The following NOS1 variants were observed in gnomAD, a reference collection of about 807,000 sequenced individuals.
The protein encoded by NOS1 is nitric oxide synthase 1, also known as NOS type I.
In NOS1, 51 loss-of-function variants were observed where a neutral mutation model predicts 164.5. The observed-to-expected ratio is 0.31, with a 90% CI of 0.25 to 0.39. The LOEUF (loss-of-function observed/expected upper bound fraction) is 0.39, where lower values mean the gene tolerates loss of function less well. NOS1 is among the 10% of genes least tolerant of loss of function. NOS1 has a pLI of 1.00. For synonymous variants in NOS1, 719 were observed against 745.8 expected, an observed-to-expected ratio of 0.96 and a Z score of 0.59; for missense variants, 1,362 against 1,885.6, an observed-to-expected ratio of 0.72 and a Z score of 5.14.
At position 117,213,067 on chromosome 12, in the gene NOS1, T is replaced by C. The variant is rs897261365; in HGVS notation, c.*2242A>G. On this transcript the variant is annotated 3_prime_UTR_variant, in exon 29 of 29. Transcript: ENST00000317775. ...GACAATGTTTCCATCTGTCTGCTAC[T>C]AGAAAGGCAGGCACATGCAGAAAGG... is the stretch of plus-strand genomic sequence containing the variant. 2.5e-5 allele frequency: 25 copies of C among 985,372 alleles called. No individual in the cohort carries two copies. Among genetic ancestry groups the C allele is most frequent in the Non-Finnish European group, 3.0e-5 (25 of 829,950 alleles). The allele number at this position is 985,372 out of a possible 1,614,324, so 61.0% of individuals were successfully genotyped here. A position where few individuals can be genotyped will look rare whatever the true frequency, so the allele number is the denominator to read the frequency against.
intron 1 of NOS1, among the ~76,000 whole-genome samples, chr12:117,335,534 C>T (rs892744227): frequency 3.3e-5 from 5 of 152,024 alleles, no homozygotes; most frequent in Non-Finnish European, 5.9e-5. Flanking sequence ...AGGGAGGAAG[C>T]CCAAATAGGC....
intron 3 of NOS1, among the ~76,000 whole-genome samples, chr12:117,310,815 A>T (rs933280624): frequency 6.6e-6 from 1 of 151,416 alleles, no homozygotes; most frequent in Non-Finnish European, 1.5e-5. Context: ...TCCACTAATT[A>T]AAAAAAAATT....
chr12:117,209,188 G>T lies in NOS1; in HGVS notation c.*6121C>A, dbSNP rs1368905188. 1.5e-5 allele frequency: 15 copies of T among 985,324 alleles called. No individual in the cohort carries two copies. The highest frequency in any genetic ancestry group is 4.7e-5 in the South Asian group (1 of 21,284). The allele number at this position is 985,324 out of a possible 1,614,324, so 61.0% of individuals were successfully genotyped here. A position where few individuals can be genotyped will look rare whatever the true frequency, so the allele number is the denominator to read the frequency against. On this transcript the variant is annotated 3_prime_UTR_variant, in exon 29 of 29. Coordinates refer to ENST00000317775, the MANE Select transcript of NOS1 (RefSeq NM_000620.5). ...GAGAAGTCCTGGGGTAGCCAGCAGAGATTCTCTTGACCCTGAAGTCCAAGA... is the reference window on the plus strand; with the variant it reads ...GAGAAGTCCTGGGGTAGCCAGCAGATATTCTCTTGACCCTGAAGTCCAAGA...
chr12:117,290,462 G>A (rs545501658), intron 3 of NOS1, 36 bp from the exon 4 acceptor site: 4 of 1,588,126 alleles, frequency 2.5e-6, no homozygotes, highest in Non-Finnish European at 3.4e-6. Flanking sequence ...ATGAGGCAGG[G>A]CCTTGAGTGG....
intron 7 of NOS1, 87 bp from the exon 8 acceptor site, chr12:117,280,953 G>A: frequency 1.4e-6 from 2 of 1,458,286 alleles, no homozygotes; most frequent in Non-Finnish European, 1.9e-6. Flanking sequence ...CAGGGCGACA[G>A]CTGCTTGAGG....
chr12:117,318,167 G>GTC (rs1874752336), intron 2 of NOS1, among the ~76,000 whole-genome samples: 2 of 151,948 alleles, frequency 1.3e-5, no homozygotes, highest in Non-Finnish European at 2.9e-5. Flanking sequence ...AACAGACCCT[G>GTC]TCACACACAC....
At chr12:117,260,743 C>T in intron 13 of NOS1, 134 bp from the exon 14 acceptor site, 1 of 872,432 alleles carries the variant, frequency 1.1e-6, no homozygotes. Flanking sequence ...TTGATGGCTT[C>T]AGGGGTTTCC....
intron 9 of NOS1, among the ~76,000 whole-genome samples, chr12:117,276,085 G>C (rs1239875283): frequency 6.6e-6 from 1 of 151,846 alleles, no homozygotes; most frequent in Non-Finnish European, 1.5e-5. Context: ...GTACTTATGG[G>C]GTACATGAAA....
chr12:117,320,549 A>G (rs1874865975), intron 2 of NOS1, among the ~76,000 whole-genome samples: 1 of 152,134 alleles, frequency 6.6e-6, no homozygotes, highest in Non-Finnish European at 1.5e-5. Context: ...CAGACTTAAG[A>G]CCGTCAGAAT....
intron 2 of NOS1, among the ~76,000 whole-genome samples, chr12:117,324,937 G>A (rs1176146624): frequency 2.0e-5 from 3 of 152,190 alleles, no homozygotes; most frequent in African/African-American, 7.2e-5. Flanking sequence ...ACGTCCCATG[G>A]GGGAATGGAA....
At chr12:117,321,538 G>C (rs907427588) in intron 2 of NOS1, among the ~76,000 whole-genome samples, 2 of 152,142 alleles carry the variant, frequency 1.3e-5, no homozygotes, top group Non-Finnish European at 2.9e-5. Flanking sequence ...CTGGCAAGAC[G>C]GCAGGGACAC....
intron 16 of NOS1, among the ~76,000 whole-genome samples, chr12:117,254,307 A>T (rs1871291893): frequency 6.6e-6 from 1 of 152,102 alleles, no homozygotes; most frequent in South Asian, 2.1e-4. Flanking sequence ...GGGTTTCACC[A>T]CATTTGCCAG....
Position 117,231,960 on chromosome 12 carries a change from A to G in NOS1, c.3405+2T>C, listed in dbSNP as rs1869272949. On this transcript the variant is annotated splice_donor_variant, in intron 22 of 28. Transcript: ENST00000317775. LOFTEE classifies it high-confidence loss of function. ...AGGGTTGTGCGAAGCCTGGGGACCC[A>G]CCTTGCTGAGGACCAGCAGACGCTG... 1 of 1,611,124 alleles carries G rather than the reference A, an allele frequency of 6.2e-7. No homozygotes were observed. The highest frequency in any genetic ancestry group is 8.5e-7 in the Non-Finnish European group (1 of 1,179,032).
intron 7 of NOS1, among the ~76,000 whole-genome samples, chr12:117,283,441 G>A (rs1455328253): frequency 6.6e-6 from 1 of 152,190 alleles, no homozygotes; most frequent in African/African-American, 2.4e-5. Context: ...AGAATCTGCT[G>A]AATGTTTTCT....
rs559797019 is a variant in NOS1, at chr12:117,350,037, T to C, written c.-421+11475A>G. On this transcript the variant is annotated intron_variant, in intron 1 of 28. Transcript: ENST00000317775. ...ACCATGCCTGGCCGGCTGGTGTTAT[T>C]ATTACTGCCAGAGACACACAGACTC... 2.5e-4 allele frequency among the ~76,000 whole-genome samples: 38 copies of C among 152,260 alleles called. No individual in the cohort carries two copies. In the South Asian group the frequency reaches 4.0e-3, roughly 16 times the overall value.
chr12:117,272,325 G>A lies in NOS1; in HGVS notation c.1839+60C>T. On this transcript the variant is annotated intron_variant, in intron 10 of 28. Transcript: ENST00000317775. This position sits in a 1 kb window ranked among gnomAD's most constrained non-coding sequence, Gnocchi z 4.3. The stretch of plus-strand genomic sequence containing the variant: ...CAAGCTCGCCGTGGGGAAGGGGACT[G>A]CTGAGCTGGCACCCTCTGCTATGTG... 6.3e-7 allele frequency: 1 copy of A among 1,589,816 alleles called. No homozygotes were observed. The highest frequency in any genetic ancestry group is 8.6e-7 in the Non-Finnish European group (1 of 1,159,914).
intron 1 of NOS1, among the ~76,000 whole-genome samples, chr12:117,360,632 C>G (rs375214123): frequency 6.6e-6 from 1 of 152,180 alleles, no homozygotes; most frequent in Non-Finnish European, 1.5e-5. Flanking sequence ...GAGGCCAGGC[C>G]GGAGCGATGT....
chr12:117,292,082 T>G (rs1873100969), intron 3 of NOS1, among the ~76,000 whole-genome samples: 1 of 152,222 alleles, frequency 6.6e-6, no homozygotes, highest in African/African-American at 2.4e-5. Context: ...TAGCATTTAT[T>G]GAGCACCTAT....
chr12:117,327,205 C>G (rs1242145002), intron 2 of NOS1, among the ~76,000 whole-genome samples: 1 of 152,184 alleles, frequency 6.6e-6, no homozygotes, highest in African/African-American at 2.4e-5. Context: ...TAAGACAGAG[C>G]TCCCATTCCA....
Sources: allele counts gnomAD v4.1 joint callset (sites outside exome capture counted in the v4.1 genomes callset), GRCh38; gene constraint gnomAD v4.1.1; non-coding constraint Gnocchi (gnomAD v3.1); transcripts MANE v1.5; gene names NCBI Gene and HGNC (gene_info 2026-07-23, HGNC 2026-07-21).